The following PDE3A variants were observed in gnomAD, a reference collection of about 807,000 sequenced individuals.
PDE3A encodes cGMP-inhibited 3',5'-cyclic phosphodiesterase 3A.
Under a neutral mutation model 98.3 loss-of-function variants are expected in PDE3A, and 43 were observed. The ratio of observed to expected loss-of-function variants is 0.44; its 90% confidence interval spans 0.34 to 0.56. The LOEUF (loss-of-function observed/expected upper bound fraction) is 0.56. Among genes scored for constraint, PDE3A ranks in the 20% least tolerant of loss-of-function variants. The pLI, the probability that PDE3A is intolerant of heterozygous loss-of-function variation, is 0.01. For synonymous variants in PDE3A, 663 were observed against 567.9 expected, an observed-to-expected ratio of 1.17 and a Z score of -2.38; for missense variants, 1,427 against 1,440.7, an observed-to-expected ratio of 0.99 and a Z score of 0.15.
At chr12:20,511,151 A>C (rs1209212252) in intron 1 of PDE3A, among the ~76,000 whole-genome samples, 1 of 152,080 alleles carries the variant, frequency 6.6e-6, no homozygotes. Flanking sequence ...ATTTAAAAAA[A>C]GGCTTCATGT....
intron 1 of PDE3A, among the ~76,000 whole-genome samples, chr12:20,499,648 C>T (rs919647365): frequency 6.6e-5 from 10 of 152,078 alleles, no homozygotes; most frequent in African/African-American, 9.7e-5. Context: ...TTTCTCTCCA[C>T]CCCGATTCTG....
chr12:20,522,960 G>GTCAT (rs1946455968), intron 1 of PDE3A, among the ~76,000 whole-genome samples: 1 of 151,762 alleles, frequency 6.6e-6, no homozygotes. Context: ...GGGAGTCATG[G>GTCAT]TCATATAAAT....
chr12:20,631,190 G>C (rs898740172), intron 6 of PDE3A, among the ~76,000 whole-genome samples: 2 of 152,090 alleles, frequency 1.3e-5, no homozygotes, highest in African/African-American at 4.8e-5. Context: ...CTATGCAAAA[G>C]TTATTCTGCT....
intron 1 of PDE3A, among the ~76,000 whole-genome samples, chr12:20,398,105 T>C (rs1214214923): frequency 2.0e-5 from 3 of 151,502 alleles, no homozygotes; most frequent in African/African-American, 7.3e-5. Flanking sequence ...TAACGTTTTC[T>C]GGCTGGGGCA....
chr12:20,467,451 T>C (rs1249718919), intron 1 of PDE3A, among the ~76,000 whole-genome samples: 1 of 152,160 alleles, frequency 6.6e-6, no homozygotes, highest in Admixed American at 6.5e-5. Context: ...AAATGACTTA[T>C]AAAAATGTAT....
chr12:20,653,319 A>C (rs757704647), intron 14 of PDE3A, among the ~76,000 whole-genome samples: 57 of 152,300 alleles, frequency 3.7e-4, no homozygotes, highest in Admixed American at 3.9e-4. Context: ...CAAAGCAAAA[A>C]AAGGAAAATA....
chr12:20,671,103 A>T (rs1945466093), intron 15 of PDE3A, among the ~76,000 whole-genome samples: 2 of 140,356 alleles, frequency 1.4e-5, no homozygotes, highest in Non-Finnish European at 3.0e-5. Flanking sequence ...ATCTAGAAGA[A>T]ATGGATAAAT....
intron 15 of PDE3A, among the ~76,000 whole-genome samples, chr12:20,663,197 A>G (rs1162719528): frequency 6.6e-6 from 1 of 152,220 alleles, no homozygotes; most frequent in East Asian, 1.9e-4. Flanking sequence ...ATGTATGGCA[A>G]TGCCTGGATG....
intron 2 of PDE3A, among the ~76,000 whole-genome samples, chr12:20,563,768 CT>C (rs922852530): frequency 2.6e-5 from 4 of 152,026 alleles, no homozygotes; most frequent in Non-Finnish European, 4.4e-5. Flanking sequence ...GTAGGGATGG[CT>C]TTGTCATTGC....
rs113965712 is a variant in PDE3A at position 20,528,632 on chromosome 12, A to C, written c.961-28028A>C. ...TTTAGTCATAAGATATTGATAAATAAGGTATGCCCATTGGACATGCCTGAT... is the reference window on the plus strand; with the variant it reads ...TTTAGTCATAAGATATTGATAAATACGGTATGCCCATTGGACATGCCTGAT... On this transcript the variant is annotated intron_variant, in intron 1 of 15. Coordinates refer to ENST00000359062, the MANE Select transcript of PDE3A (RefSeq NM_000921.5). 2.9e-3 allele frequency among the ~76,000 whole-genome samples: 438 copies of C among 152,328 alleles called. 5 individuals carry two copies. Among genetic ancestry groups the C allele is most frequent in the Middle Eastern group, 0.01 (3 of 294 alleles).
intron 1 of PDE3A, among the ~76,000 whole-genome samples, chr12:20,479,311 G>C (rs905429759): frequency 6.6e-6 from 1 of 152,206 alleles, no homozygotes; most frequent in Admixed American, 6.5e-5. Context: ...TTTCATTCCA[G>C]TGGGGACTGA....
chr12:20,420,644 A>G (rs1184129070), intron 1 of PDE3A, among the ~76,000 whole-genome samples: 1 of 152,092 alleles, frequency 6.6e-6, no homozygotes, highest in African/African-American at 2.4e-5. Context: ...ATTTTTTTTC[A>G]AGAGCAATGT....
intron 2 of PDE3A, among the ~76,000 whole-genome samples, chr12:20,607,839 CTT>C (rs1415573995): frequency 3.9e-5 from 6 of 152,082 alleles, no homozygotes; most frequent in Non-Finnish European, 8.8e-5. Flanking sequence ...AGTTTTAAGA[CTT>C]TTCTTTAAAC....
intron 1 of PDE3A, among the ~76,000 whole-genome samples, chr12:20,422,500 G>C (rs1193218143): frequency 1.3e-5 from 2 of 152,054 alleles, no homozygotes; most frequent in African/African-American, 4.8e-5. Context: ...TAACACCTTT[G>C]AATAAAAGTA....
At chr12:20,599,282 A>ATCTT (rs2066649377) in intron 2 of PDE3A, among the ~76,000 whole-genome samples, 1 of 151,872 alleles carries the variant, frequency 6.6e-6, no homozygotes, top group African/African-American at 2.4e-5. Context: ...CAGTTGGCCA[A>ATCTT]TCTTTCTTTC....
intron 1 of PDE3A, among the ~76,000 whole-genome samples, chr12:20,452,840 A>C (rs2120893449): frequency 6.6e-6 from 1 of 152,246 alleles, no homozygotes; most frequent in African/African-American, 2.4e-5. Flanking sequence ...ATGGCTTCTG[A>C]CCCTCGCACT....
chr12:20,480,346 T>G (rs989469175), intron 1 of PDE3A, among the ~76,000 whole-genome samples: 4 of 152,220 alleles, frequency 2.6e-5, no homozygotes, highest in Admixed American at 6.5e-5. Flanking sequence ...AGGGGCCCTC[T>G]GCATTCAGGG....
intron 1 of PDE3A, among the ~76,000 whole-genome samples, chr12:20,383,100 G>C (rs1215211245): frequency 1.3e-5 from 2 of 151,866 alleles, no homozygotes; most frequent in African/African-American, 4.8e-5. Flanking sequence ...AAAGGCTTAA[G>C]AGAGATATTT....
At chr12:20,437,986 GT>G (rs1339828891) in intron 1 of PDE3A, among the ~76,000 whole-genome samples, 1 of 149,072 alleles carries the variant, frequency 6.7e-6, no homozygotes. Context: ...TTTTTTTCCA[GT>G]AAGATTTACC....
Sources: allele counts gnomAD v4.1 joint callset (sites outside exome capture counted in the v4.1 genomes callset), GRCh38; gene constraint gnomAD v4.1.1; transcripts MANE v1.5; gene names NCBI Gene and HGNC (gene_info 2026-07-23, HGNC 2026-07-21).